The following KCNT2 variants were observed in gnomAD, a reference collection of about 807,000 sequenced individuals.
KCNT2 encodes potassium channel subfamily T member 2.
KCNT2 carries 67 observed loss-of-function variants against 153.8 expected under a neutral mutation model. The ratio of observed to expected loss-of-function variants is 0.44; its 90% confidence interval spans 0.36 to 0.53. KCNT2 has a LOEUF of 0.53. Among genes scored for constraint, KCNT2 ranks in the 20% least tolerant of loss-of-function variants. The pLI is 0.00. For synonymous variants in KCNT2, 500 were observed against 458.8 expected, an observed-to-expected ratio of 1.09 and a Z score of -1.15; for missense variants, 975 against 1,354.8, an observed-to-expected ratio of 0.72 and a Z score of 4.40.
chr1:196,557,003 G>A (rs908930972), intron 1 of KCNT2, among the ~76,000 whole-genome samples: 12 of 151,120 alleles, frequency 7.9e-5, no homozygotes, highest in African/African-American at 2.9e-4. Context: ...ATTGGGAGAG[G>A]AGGGTGGAAG....
chr1:196,544,365 C>G (rs1452719292), intron 1 of KCNT2, among the ~76,000 whole-genome samples: 2 of 151,720 alleles, frequency 1.3e-5, no homozygotes, highest in African/African-American at 4.8e-5. Context: ...GAAAACCCAC[C>G]TAAATTGATG....
chr1:196,473,138 G>C (rs1343284280), intron 5 of KCNT2, among the ~76,000 whole-genome samples: 1 of 152,082 alleles, frequency 6.6e-6, no homozygotes, highest in African/African-American at 2.4e-5. Flanking sequence ...GCTTGGAAAA[G>C]CTTTACCTTT....
At chr1:196,339,152 G>A (rs984663681) in intron 16 of KCNT2, among the ~76,000 whole-genome samples, 4 of 151,782 alleles carry the variant, frequency 2.6e-5, no homozygotes, top group Non-Finnish European at 5.9e-5. Context: ...ATCAGTTTAC[G>A]GACAATAGAA....
intron 1 of KCNT2, among the ~76,000 whole-genome samples, chr1:196,517,317 A>G (rs1652721062): frequency 6.6e-6 from 1 of 152,208 alleles, no homozygotes; most frequent in African/African-American, 2.4e-5. Flanking sequence ...ACACACAGAG[A>G]TGAGAAAGAA....
At chr1:196,352,121 G>T (rs981115962) in intron 14 of KCNT2, among the ~76,000 whole-genome samples, 1 of 151,916 alleles carries the variant, frequency 6.6e-6, no homozygotes, top group Non-Finnish European at 1.5e-5. Flanking sequence ...ATTTTATTGA[G>T]GATTTTTGCA....
At chr1:196,583,701 G>A (rs1170872989) in intron 1 of KCNT2, among the ~76,000 whole-genome samples, 1 of 151,760 alleles carries the variant, frequency 6.6e-6, no homozygotes, top group African/African-American at 2.4e-5. Context: ...TCAAGAAAGA[G>A]GAGGAGAATC....
chr1:196,394,861 A>G (rs917812371), intron 13 of KCNT2, among the ~76,000 whole-genome samples: 1 of 151,492 alleles, frequency 6.6e-6, no homozygotes, highest in African/African-American at 2.4e-5. Flanking sequence ...GATTTAGTAG[A>G]CACCTATGTT....
chr1:196,302,553 A>G (rs1661280424), intron 22 of KCNT2, among the ~76,000 whole-genome samples: 2 of 152,128 alleles, frequency 1.3e-5, no homozygotes, highest in South Asian at 4.1e-4. Context: ...ATGGAAGACT[A>G]TCTTCTGTTT....
intron 15 of KCNT2, among the ~76,000 whole-genome samples, chr1:196,341,681 C>T (rs1163837258): frequency 2.6e-5 from 4 of 151,102 alleles, no homozygotes; most frequent in African/African-American, 9.7e-5. Flanking sequence ...TTTCTCAGGC[C>T]AAAACAAGGG....
At chr1:196,373,588 T>C (rs568390276) in intron 13 of KCNT2, among the ~76,000 whole-genome samples, 35 of 151,984 alleles carry the variant, frequency 2.3e-4, no homozygotes, top group African/African-American at 8.2e-4. Flanking sequence ...GTCTAAAATA[T>C]TTCAAATACT....
At chr1:196,425,605 T>A (rs1405247090) in intron 11 of KCNT2, among the ~76,000 whole-genome samples, 1 of 151,998 alleles carries the variant, frequency 6.6e-6, no homozygotes, top group Admixed American at 6.6e-5. Flanking sequence ...TTCATTGTGC[T>A]GTGTGGTCAC....
At chr1:196,567,178 A>G (rs1465228481) in intron 1 of KCNT2, among the ~76,000 whole-genome samples, 2 of 152,132 alleles carry the variant, frequency 1.3e-5, no homozygotes, top group Non-Finnish European at 1.5e-5. Context: ...TATTTCAGCC[A>G]TATCTCTCAC....
intron 14 of KCNT2, among the ~76,000 whole-genome samples, chr1:196,347,203 T>C (rs539609448): frequency 2.0e-5 from 3 of 152,268 alleles, no homozygotes; most frequent in South Asian, 4.1e-4. Context: ...GTACCTTTAT[T>C]GGTAATGCAG....
At position 196,398,557 on chromosome 1, in the gene KCNT2, A is replaced by G. The variant is rs1671146626; in HGVS notation, c.1294+6T>C. On this transcript the variant is annotated splice_donor_region_variant and intron_variant, in intron 13 of 27. Coordinates refer to ENST00000294725, the MANE Select transcript of KCNT2 (RefSeq NM_198503.5). ...TCAATGGATCTCATGCAAGATAAAA[A>G]CTTACCAGCAAATTTGATGTGAAAT... is the stretch of plus-strand genomic sequence containing the variant. 1 of 1,522,376 alleles carries G rather than the reference A, an allele frequency of 6.6e-7. No individual in the cohort carries two copies. The highest frequency in any genetic ancestry group is 1.4e-5 in the African/African-American group (1 of 73,004). 94.3% of individuals were successfully genotyped at this position (1,522,376 alleles called of 1,614,324 possible).
chr1:196,507,487 G>A (rs1223686252), intron 1 of KCNT2, among the ~76,000 whole-genome samples: 1 of 152,132 alleles, frequency 6.6e-6, no homozygotes, highest in Non-Finnish European at 1.5e-5. Flanking sequence ...TGGTTTATGG[G>A]CCAGTAGAAC....
chr1:196,468,972 T>G, intron 6 of KCNT2, 22 bp downstream of exon 6: 1 of 1,477,112 alleles, frequency 6.8e-7, no homozygotes, highest in Non-Finnish European at 9.4e-7. Context: ...AAGTGTTTTT[T>G]TAAGGTTCTT....
intron 13 of KCNT2, among the ~76,000 whole-genome samples, chr1:196,386,168 TGAAAACA>T (rs1400649543): frequency 3.3e-5 from 5 of 152,132 alleles, no homozygotes; most frequent in African/African-American, 1.2e-4. Flanking sequence ...TAAACCACTT[TGAAAACA>T]GATATTCTAC....
At chr1:196,592,353 G>C (rs994249533) in intron 1 of KCNT2, among the ~76,000 whole-genome samples, 8 of 151,444 alleles carry the variant, frequency 5.3e-5, no homozygotes, top group Admixed American at 5.3e-4. Context: ...TAGAGGCTGG[G>C]AGGATAGTGT....
At chr1:196,321,294 A>G (rs764863824) in intron 19 of KCNT2, among the ~76,000 whole-genome samples, 3 of 151,856 alleles carry the variant, frequency 2.0e-5, no homozygotes, top group South Asian at 2.1e-4. Context: ...AGGTACCACA[A>G]GAGTGGGGCA....
Sources: allele counts gnomAD v4.1 joint callset (sites outside exome capture counted in the v4.1 genomes callset), GRCh38; gene constraint gnomAD v4.1.1; transcripts MANE v1.5; gene names NCBI Gene and HGNC (gene_info 2026-07-23, HGNC 2026-07-21).